The following ATP10B variants were observed in gnomAD, a reference collection of about 807,000 sequenced individuals.
ATP10B encodes the protein phospholipid-transporting ATPase VB.
Under a neutral mutation model 141.2 loss-of-function variants are expected in ATP10B, and 122 were observed. That is an observed-to-expected ratio of 0.86 (90% CI 0.75 to 1.00). The LOEUF (loss-of-function observed/expected upper bound fraction) is 1.00, where lower values mean the gene tolerates loss of function less well. Ranked by LOEUF, ATP10B falls within the 50% of genes least tolerant of loss-of-function variation. The pLI, the probability that ATP10B is intolerant of heterozygous loss-of-function variation, is 0.00. For missense variants in ATP10B, 1,876 were observed against 1,825.3 expected, an observed-to-expected ratio of 1.03 and a Z score of -0.51; for synonymous variants, 685 against 692.0, an observed-to-expected ratio of 0.99 and a Z score of 0.16.
At chr5:160,838,819 G>T (rs1581633693) in intron 1 of ATP10B, among the ~76,000 whole-genome samples, 1 of 152,154 alleles carries the variant, frequency 6.6e-6, no homozygotes, top group East Asian at 1.9e-4. Context: ...TCCCAGTGTT[G>T]GAGGTGGGAC....
intron 2 of ATP10B, among the ~76,000 whole-genome samples, chr5:160,759,558 G>A (rs944029042): frequency 3.3e-5 from 5 of 152,182 alleles, no homozygotes; most frequent in Admixed American, 6.5e-5. Context: ...GAAGGCATGA[G>A]TGAATAGCTG....
At chr5:160,827,287 C>T (rs1007567797) in intron 1 of ATP10B, among the ~76,000 whole-genome samples, 1 of 152,148 alleles carries the variant, frequency 6.6e-6, no homozygotes, top group African/African-American at 2.4e-5. Context: ...GGGCAGGTTC[C>T]CCTGATACCT....
At chr5:160,816,121 A>C (rs1465470578) in intron 1 of ATP10B, among the ~76,000 whole-genome samples, 1 of 150,568 alleles carries the variant, frequency 6.6e-6, no homozygotes, top group Non-Finnish European at 1.5e-5. Flanking sequence ...GCAAGAGCAA[A>C]CACATTCAAA....
intron 3 of ATP10B, among the ~76,000 whole-genome samples, chr5:160,695,296 G>T (rs926632667): frequency 8.5e-5 from 13 of 152,182 alleles, no homozygotes; most frequent in African/African-American, 3.1e-4. Context: ...AGTCTAGTCT[G>T]TTGGGGCCTA....
the ATP10B span, among the ~76,000 whole-genome samples, chr5:160,887,176 C>T: frequency 6.6e-6 from 1 of 152,278 alleles, no homozygotes; most frequent in Non-Finnish European, 1.5e-5. Flanking sequence ...GGTCCTAGGA[C>T]CTCCTTTGGA....
intron 24 of ATP10B, among the ~76,000 whole-genome samples, chr5:160,589,287 C>G (rs544878660): frequency 6.6e-6 from 1 of 152,306 alleles, no homozygotes; most frequent in African/African-American, 2.4e-5. Context: ...GCTGGGATTA[C>G]AGGTGTGAGC....
At position 160,565,569 on chromosome 5, in the gene ATP10B, C is replaced by T. The variant is rs756800676; in HGVS notation, c.4270G>A (p.Gly1424Arg). Residue 1424 changes from glycine to arginine, a missense_variant, in exon 26 of 26, where the codon GGG becomes AGG. Coordinates refer to ENST00000327245, the MANE Select transcript of ATP10B (RefSeq NM_025153.3). ...SGDSSAQLSS[G>R]EHLLGPNRIM... ...CTGTTAGGTCCCAGCAGGTGCTCCC[C>T]GGATGAGAGTTGAGCTGAGGAGTCC... 1.2e-5 allele frequency: 20 copies of T among 1,614,054 alleles called. No homozygotes were observed. In the East Asian group the frequency reaches 1.8e-4, roughly 14 times the overall value.
intron 21 of ATP10B, among the ~76,000 whole-genome samples, chr5:160,599,832 A>G (rs1159439791): frequency 1.3e-5 from 2 of 152,224 alleles, no homozygotes; most frequent in Non-Finnish European, 2.9e-5. Flanking sequence ...AAGGTCATAC[A>G]TATAAGCAGC....
chr5:160,872,566 T>C, the ATP10B span, among the ~76,000 whole-genome samples: 2 of 152,154 alleles, frequency 1.3e-5, no homozygotes, highest in Non-Finnish European at 2.9e-5. Flanking sequence ...GAGGTGAGAG[T>C]TGAGGATCCA....
At chr5:160,571,992 T>A (rs916278286) in intron 24 of ATP10B, among the ~76,000 whole-genome samples, 1 of 152,198 alleles carries the variant, frequency 6.6e-6, no homozygotes, top group Non-Finnish European at 1.5e-5. Flanking sequence ...TGTTGTCTCT[T>A]AGACTCCTAA....
At chr5:160,922,198 A>C in the ATP10B span, among the ~76,000 whole-genome samples, 1 of 152,116 alleles carries the variant, frequency 6.6e-6, no homozygotes. Flanking sequence ...AGACCAGAGA[A>C]AGGGCTCAGG....
chr5:160,822,313 A>G (rs1036577670), intron 1 of ATP10B, among the ~76,000 whole-genome samples: 1 of 152,200 alleles, frequency 6.6e-6, no homozygotes, highest in Non-Finnish European at 1.5e-5. Flanking sequence ...ATACAGTGAG[A>G]TATCATTTCA....
rs370990734 is a variant in ATP10B at position 160,800,323 on chromosome 5, A to T, written c.-575-14520T>A. On this transcript the variant is annotated intron_variant, in intron 1 of 25. Coordinates refer to ENST00000327245, the MANE Select transcript of ATP10B (RefSeq NM_025153.3). ...TGGAAATAATAAAAATGTCAATCTTATTAAAATTAAATGAAATCCTGTAAT... is the reference window on the plus strand; with the variant it reads ...TGGAAATAATAAAAATGTCAATCTTTTTAAAATTAAATGAAATCCTGTAAT... 2.5e-4 allele frequency among the ~76,000 whole-genome samples: 38 copies of T among 152,346 alleles called. No individual in the cohort carries two copies. The East Asian group carries it at 3.1e-3, about 12-fold the overall frequency.
chr5:160,780,689 T>C (rs563120749), intron 2 of ATP10B, among the ~76,000 whole-genome samples: 1 of 152,302 alleles, frequency 6.6e-6, no homozygotes, highest in African/African-American at 2.4e-5. Flanking sequence ...TTATTCTTAA[T>C]TTCAATAGAT....
intron 2 of ATP10B, among the ~76,000 whole-genome samples, chr5:160,731,091 TA>T (rs1256074459): frequency 6.6e-6 from 1 of 152,194 alleles, no homozygotes; most frequent in Non-Finnish European, 1.5e-5. Flanking sequence ...TTACAGAATC[TA>T]TGGGGAAGAT....
chr5:160,869,297 G>T, the ATP10B span, among the ~76,000 whole-genome samples: 1 of 152,014 alleles, frequency 6.6e-6, no homozygotes, highest in African/African-American at 2.4e-5. Context: ...CCATCAGAAT[G>T]AGAACTGGAT....
chr5:160,707,904 TGAA>T (rs1016233261), intron 3 of ATP10B, among the ~76,000 whole-genome samples: 3 of 152,112 alleles, frequency 2.0e-5, no homozygotes, highest in African/African-American at 7.2e-5. Context: ...ACTACAAGCT[TGAA>T]GAAGAATGAT....
chr5:160,579,435 A>T lies in ATP10B; in HGVS notation c.3751-9752T>A, dbSNP rs371326948. 4.6e-5 allele frequency among the ~76,000 whole-genome samples: 7 copies of T among 152,274 alleles called. No individual in the cohort carries two copies. The South Asian group carries it at 1.4e-3, about 32-fold the overall frequency. ...TTATTAAATAGGGAATCCTTTCCCC[A>T]TTGCTTGTTTCTGTCAGAGTTGTCA... On this transcript the variant is annotated intron_variant, in intron 24 of 25. Coordinates refer to ENST00000327245, the MANE Select transcript of ATP10B (RefSeq NM_025153.3).
At chr5:160,762,116 G>T (rs1007739395) in intron 2 of ATP10B, among the ~76,000 whole-genome samples, 10 of 152,272 alleles carry the variant, frequency 6.6e-5, no homozygotes, top group Middle Eastern at 3.4e-3. Context: ...AGGAAGAAAA[G>T]AAATCTAAAC....
Sources: allele counts gnomAD v4.1 joint callset (sites outside exome capture counted in the v4.1 genomes callset), GRCh38; gene constraint gnomAD v4.1.1; transcripts MANE v1.5; gene names NCBI Gene and HGNC (gene_info 2026-07-23, HGNC 2026-07-21).